The following ERC2 variants were observed in gnomAD, a reference collection of about 807,000 sequenced individuals.
The protein encoded by ERC2 is ERC protein 2.
Under a neutral mutation model 114.8 loss-of-function variants are expected in ERC2, and 42 were observed. That is an observed-to-expected ratio of 0.37 (90% CI 0.29 to 0.47). The LOEUF (loss-of-function observed/expected upper bound fraction) is 0.47. ERC2 is among the 20% of genes least tolerant of loss of function. The probability of loss-of-function intolerance (pLI) is 0.99; values close to 1 mark genes in which losing one functional copy is unlikely to be tolerated. For synonymous variants in ERC2, 454 were observed against 425.5 expected, an observed-to-expected ratio of 1.07 and a Z score of -0.82; for missense variants, 939 against 1,150.7, an observed-to-expected ratio of 0.82 and a Z score of 2.66.
intron 2 of ERC2, among the ~76,000 whole-genome samples, chr3:56,431,083 A>C (rs776481772): frequency 5.9e-5 from 9 of 152,248 alleles, no homozygotes; most frequent in African/African-American, 9.6e-5. Context: ...CACCTACCTC[A>C]GATGACTGAT....
chr3:56,301,986 G>A (rs1172812627), intron 2 of ERC2, among the ~76,000 whole-genome samples: 1 of 152,132 alleles, frequency 6.6e-6, no homozygotes, highest in Non-Finnish European at 1.5e-5. Flanking sequence ...GATAGGCTTA[G>A]GATATGCTGC....
At chr3:55,770,411 G>A (rs191147003) in intron 14 of ERC2, among the ~76,000 whole-genome samples, 7 of 152,178 alleles carry the variant, frequency 4.6e-5, no homozygotes, top group African/African-American at 7.2e-5. Context: ...CCCAGTTTGA[G>A]GCTTTCTCTA....
intron 3 of ERC2, among the ~76,000 whole-genome samples, chr3:56,293,164 T>C (rs2055204165): frequency 6.6e-6 from 1 of 152,254 alleles, no homozygotes; most frequent in Admixed American, 6.5e-5. Flanking sequence ...TGAATCAACG[T>C]AAAGCATTCT....
At chr3:55,975,838 T>C (rs1292257237) in intron 12 of ERC2, among the ~76,000 whole-genome samples, 2 of 152,152 alleles carry the variant, frequency 1.3e-5, no homozygotes, top group Non-Finnish European at 2.9e-5. Flanking sequence ...TTCCTACCTC[T>C]CTTGCCATTG....
chr3:55,895,491 G>T (rs1207422978), intron 13 of ERC2, among the ~76,000 whole-genome samples: 5 of 152,106 alleles, frequency 3.3e-5, no homozygotes, highest in Admixed American at 3.3e-4. Context: ...ACCCTGGAAG[G>T]CACCAGCACA....
chr3:56,234,852 C>T (rs1483049603), intron 3 of ERC2, among the ~76,000 whole-genome samples: 1 of 152,162 alleles, frequency 6.6e-6, no homozygotes, highest in Non-Finnish European at 1.5e-5. Flanking sequence ...ACAGTGTCCC[C>T]ACTAACCAAA....
At chr3:56,452,766 G>A (rs1262049826) in intron 1 of ERC2, among the ~76,000 whole-genome samples, 2 of 152,174 alleles carry the variant, frequency 1.3e-5, no homozygotes, top group African/African-American at 4.8e-5. Context: ...CTGAGCCTCA[G>A]TAAGTATCTG....
chr3:56,080,721 C>A, intron 7 of ERC2, 96 bp downstream of exon 7: 1 of 1,238,502 alleles, frequency 8.1e-7, no homozygotes. Flanking sequence ...CCTAAAGATT[C>A]GTAAAAGATC....
intron 13 of ERC2, among the ~76,000 whole-genome samples, chr3:55,902,764 A>C (rs1319867243): frequency 6.6e-6 from 1 of 152,142 alleles, no homozygotes; most frequent in East Asian, 1.9e-4. Context: ...GGGTTTTGAC[A>C]CTGGGCTCCT....
intron 13 of ERC2, among the ~76,000 whole-genome samples, chr3:55,926,403 G>GT (rs982230321): frequency 5.9e-5 from 3 of 51,238 alleles, no homozygotes; most frequent in African/African-American, 2.3e-4. Context: ...CTTGTTTTTT[G>GT]TTTTTTGTTT....
At chr3:56,243,734 G>A (rs894189341) in intron 3 of ERC2, among the ~76,000 whole-genome samples, 1 of 152,154 alleles carries the variant, frequency 6.6e-6, no homozygotes, top group Non-Finnish European at 1.5e-5. Flanking sequence ...AGATAGACAG[G>A]TGCAGTGCCT....
intron 7 of ERC2, among the ~76,000 whole-genome samples, chr3:56,031,917 A>G (rs1328667118): frequency 2.0e-5 from 3 of 152,258 alleles, no homozygotes; most frequent in Non-Finnish European, 2.9e-5. Flanking sequence ...TTGATCCTCA[A>G]TCTTGGAGGT....
intron 14 of ERC2, among the ~76,000 whole-genome samples, chr3:55,752,500 G>A (rs1193386512): frequency 6.6e-6 from 1 of 152,214 alleles, no homozygotes; most frequent in Non-Finnish European, 1.5e-5. Context: ...TAATTGAACA[G>A]TTTTGCCAAG....
chr3:55,597,919 G>A (rs1036784080), intron 17 of ERC2, among the ~76,000 whole-genome samples: 3 of 152,066 alleles, frequency 2.0e-5, no homozygotes, highest in Non-Finnish European at 4.4e-5. Flanking sequence ...CATAATAGAC[G>A]GTAAATAAAT....
intron 12 of ERC2, among the ~76,000 whole-genome samples, chr3:55,951,299 A>G (rs908358901): frequency 2.6e-5 from 4 of 152,230 alleles, no homozygotes; most frequent in Admixed American, 6.5e-5. Context: ...ATTTTAAAAT[A>G]ACAATTATGA....
chr3:55,522,705 G>A (rs1451593655), intron 17 of ERC2, among the ~76,000 whole-genome samples: 3 of 152,068 alleles, frequency 2.0e-5, no homozygotes, highest in African/African-American at 7.2e-5. Flanking sequence ...GAAGCACAAG[G>A]GCCCAGGGCT....
chr3:55,611,578 G>T (rs759239220), intron 17 of ERC2, among the ~76,000 whole-genome samples: 1 of 152,160 alleles, frequency 6.6e-6, no homozygotes, highest in African/African-American at 2.4e-5. Context: ...TATTAGGGGA[G>T]TTCAGATGAC....
intron 12 of ERC2, among the ~76,000 whole-genome samples, chr3:55,975,543 A>C (rs1368853316): frequency 1.3e-5 from 2 of 152,152 alleles, no homozygotes; most frequent in Non-Finnish European, 2.9e-5. Context: ...CTTTTAAAAA[A>C]ATTTCATTAA....
chr3:56,270,926 G>A (rs113062903), intron 3 of ERC2, among the ~76,000 whole-genome samples: 50,064 of 152,044 alleles, frequency 0.33, 9,485 homozygotes, highest in Middle Eastern at 0.44. Flanking sequence ...AGCTTGCAGC[G>A]AGCCGAGATT....
Sources: allele counts gnomAD v4.1 joint callset (sites outside exome capture counted in the v4.1 genomes callset), GRCh38; gene constraint gnomAD v4.1.1; transcripts MANE v1.5; gene names NCBI Gene and HGNC (gene_info 2026-07-23, HGNC 2026-07-21).